HERC2: variants seen among roughly 807,000 people sequenced by gnomAD.
HERC2 encodes HECT and RLD domain containing E3 ubiquitin protein ligase 2, also known as E3 ubiquitin-protein ligase HERC2.
In HERC2, 102 loss-of-function variants were observed where a neutral mutation model predicts 537.7. The ratio of observed to expected loss-of-function variants is 0.19; its 90% confidence interval spans 0.16 to 0.22. The LOEUF is 0.22. Ranked by LOEUF, HERC2 falls within the 10% of genes least tolerant of loss-of-function variation. The probability of loss-of-function intolerance (pLI) is 1.00; values close to 1 mark genes in which losing one functional copy is unlikely to be tolerated. For missense variants in HERC2, 4,236 were observed against 6,198.2 expected (o/e 0.68, Z 10.63); for synonymous variants, 2,224 against 2,466.2 (o/e 0.90, Z 2.91).
intron 35 of HERC2, among the ~76,000 whole-genome samples, chr15:28,227,495 T>C (rs183312297): frequency 1.8e-4 from 27 of 146,262 alleles, no homozygotes; most frequent in African/African-American, 6.8e-4. Context: ...CAAAAAATAG[T>C]GTTGGCAGGG....
At chr15:28,173,299 G>C (rs1234652434) in intron 65 of HERC2, among the ~76,000 whole-genome samples, 2 of 152,050 alleles carry the variant, frequency 1.3e-5, no homozygotes, top group Non-Finnish European at 2.9e-5. Context: ...CACTTGTATA[G>C]TCAACTGGAA....
At chr15:28,300,498 G>A (rs1346134726) in intron 2 of HERC2, among the ~76,000 whole-genome samples, 2 of 151,150 alleles carry the variant, frequency 1.3e-5, no homozygotes, top group Admixed American at 6.6e-5. Flanking sequence ...AATAAAACAT[G>A]TTTATGATAA....
intron 2 of HERC2, among the ~76,000 whole-genome samples, chr15:28,321,154 G>C (rs2922711): frequency 2.6e-5 from 4 of 152,144 alleles, no homozygotes; most frequent in African/African-American, 9.7e-5. Flanking sequence ...TCGTGCACTT[G>C]CAAGAAACTA....
chr15:28,117,934 A>G (rs1347016732), intron 86 of HERC2: 2 of 244,700 alleles, frequency 8.2e-6, no homozygotes, highest in East Asian at 1.1e-4. Context: ...AAGGATGTCA[A>G]AAAGAAAAAT....
At chr15:28,117,203 GCA>G (rs1888352885) in intron 86 of HERC2, 49 bp from the exon 87 acceptor site, 2 of 1,589,904 alleles carry the variant, frequency 1.3e-6, no homozygotes, top group Non-Finnish European at 1.7e-6. Flanking sequence ...GCAGCAGGAA[GCA>G]CACAGTCGGG....
At chr15:28,116,593 CAGAT>C (rs1270660754) in intron 88 of HERC2, 68 bp downstream of exon 88, 11 of 1,356,906 alleles carry the variant, frequency 8.1e-6, no homozygotes, top group African/African-American at 2.9e-5. Flanking sequence ...ACTCCTCAAA[CAGAT>C]AGTACATTTT....
Position 28,233,174 on chromosome 15 carries a change from C to G in HERC2, c.4647G>C (p.Lys1549Asn). The change falls in exon 30 of 93, where the codon AAG becomes AAC. Residue 1549 changes from lysine (K) to asparagine (N), a missense_variant. Coordinates refer to ENST00000261609, the MANE Select transcript of HERC2 (RefSeq NM_004667.6). The stretch of plus-strand genomic sequence containing the variant: ...TCTTTTTCCTTCGTTCTCGAATTAT[C>G]TTTTGAGCTATCCTCCTCCAACGGG... The part of the protein sequence containing the change: ...SLPRWRRIAQ[K>N]IIRERRKKRV... 1 of 1,611,804 alleles carries G rather than the reference C, an allele frequency of 6.2e-7. No individual in the cohort carries two copies. The highest frequency in any genetic ancestry group is 8.5e-7 in the Non-Finnish European group (1 of 1,179,776).
At chr15:28,209,145 A>G (rs960525529) in intron 44 of HERC2, among the ~76,000 whole-genome samples, 3 of 152,150 alleles carry the variant, frequency 2.0e-5, no homozygotes, top group South Asian at 2.1e-4. Flanking sequence ...ATACATAGCA[A>G]TGTGCTTTTC....
chr15:28,237,925 C>T lies in HERC2; in HGVS notation c.3852+189G>A, dbSNP rs568776518. ...AAAAAACAATTTTTCAAGACCAGTA[C>T]ATCACAGATCTTAACATGAATAAAT... On this transcript the variant is annotated intron_variant, in intron 25 of 92. Coordinates refer to ENST00000261609, the MANE Select transcript of HERC2 (RefSeq NM_004667.6). 4.6e-5 allele frequency among the ~76,000 whole-genome samples: 7 copies of T among 152,326 alleles called. No homozygotes were observed. The East Asian group carries it at 7.7e-4, about 17-fold the overall frequency.
intron 85 of HERC2, among the ~76,000 whole-genome samples, chr15:28,121,838 T>C (rs1166159498): frequency 2.0e-5 from 3 of 152,298 alleles, no homozygotes; most frequent in East Asian, 1.9e-4. Context: ...AACCACTGCC[T>C]GCCATACAGC....
chr15:28,215,806 C>T lies in HERC2; in HGVS notation c.6029-4G>A. Reference sequence around the variant, plus strand: ...TACACCAGCCTGTTTGGAGAAGCTGCAGGAGGGAAAATAGACATGCTTGGT... The same window carrying T: ...TACACCAGCCTGTTTGGAGAAGCTGTAGGAGGGAAAATAGACATGCTTGGT... On this transcript the variant is annotated splice_polypyrimidine_tract_variant and splice_region_variant and intron_variant, in intron 38 of 92. Transcript: ENST00000261609. The T allele has an allele frequency of 2.5e-6, 4 of 1,584,034 alleles. No individual in the cohort carries two copies. Among genetic ancestry groups the T allele is most frequent in the Non-Finnish European group, 3.4e-6 (4 of 1,159,558 alleles).
intron 90 of HERC2, among the ~76,000 whole-genome samples, 173 bp downstream of exon 90, chr15:28,114,435 TAATA>T (rs1414782961): frequency 6.6e-6 from 1 of 152,136 alleles, no homozygotes. Flanking sequence ...AATGTCAGAG[TAATA>T]AATACCGACC....
At position 28,214,266 on chromosome 15, in the gene HERC2, G is replaced by C. The variant is rs762921100; in HGVS notation, c.6365C>G (p.Thr2122Arg). Residue 2122 changes from threonine to arginine, a missense_variant, in exon 41 of 93, where the codon ACG becomes AGG. Coordinates refer to ENST00000261609, the MANE Select transcript of HERC2 (RefSeq NM_004667.6). ...SSDVPLLRES[T>R]LRRRRVRPQA... ...CGGGCGCACCCTGCGCCGCCTCAGC[G>C]TGGACTCTGAGGAGGAAACCAGGGG... is the stretch of plus-strand genomic sequence containing the variant. The C allele has an allele frequency of 6.2e-7, 1 of 1,611,316 alleles. No homozygotes were observed. The highest frequency in any genetic ancestry group is 1.3e-5 in the African/African-American group (1 of 74,984).
Position 28,238,104 on chromosome 15 carries a change from A to G in HERC2, c.3852+10T>C. 6.3e-7 allele frequency: 1 copy of G among 1,590,612 alleles called. No individual in the cohort carries two copies. ...CCATCCTCTGCATCACTCAAGGCAT[A>G]CAGCCTCACCTCCAAATACTGGCCA... On this transcript the variant is annotated intron_variant, in intron 25 of 92. Coordinates refer to ENST00000261609, the MANE Select transcript of HERC2 (RefSeq NM_004667.6).
At chr15:28,148,918 A>AGG (rs1892070725) in intron 70 of HERC2, among the ~76,000 whole-genome samples, 1 of 150,886 alleles carries the variant, frequency 6.6e-6, no homozygotes, top group Admixed American at 6.6e-5. Flanking sequence ...AAAAACACAC[A>AGG]ACTCCTAACT....
chr15:28,143,499 T>C (rs1469028345), intron 74 of HERC2, among the ~76,000 whole-genome samples: 1 of 151,856 alleles, frequency 6.6e-6, no homozygotes, highest in East Asian at 1.9e-4. Flanking sequence ...CAGGCTGGAG[T>C]GTAGTGGCGG....
chr15:28,203,761 G>A (rs547185464), intron 45 of HERC2: 2 of 152,080 alleles, frequency 1.3e-5, no homozygotes, highest in East Asian at 3.9e-4. Context: ...GGAAAACCAC[G>A]AAATATGCGG....
At chr15:28,139,108 TGCTTTGCGAA>T (rs1335900830) in intron 78 of HERC2, among the ~76,000 whole-genome samples, 1 of 152,268 alleles carries the variant, frequency 6.6e-6, no homozygotes, top group Admixed American at 6.5e-5. Flanking sequence ...TTGTGTGACA[TGCTTTGCGAA>T]GACACTTGCT....
rs375892848 is a variant in HERC2, at chr15:28,321,265, A to T, written c.72+97T>A. On this transcript the variant is annotated intron_variant, in intron 2 of 92. Coordinates refer to ENST00000261609, the MANE Select transcript of HERC2 (RefSeq NM_004667.6). ...TGCTCCTCTAATTCAGCAAGATACA[A>T]CTGACTTCCCCTTACATACCCTAAA... 1,097 of 625,076 alleles carry T rather than the reference A, an allele frequency of 1.8e-3. No homozygotes were observed. The East Asian group carries it at 0.019, about 11-fold the overall frequency. 38.7% of individuals were successfully genotyped at this position (625,076 alleles called of 1,614,324 possible).
Sources: allele counts gnomAD v4.1 joint callset (sites outside exome capture counted in the v4.1 genomes callset), GRCh38; gene constraint gnomAD v4.1.1; transcripts MANE v1.5; gene names NCBI Gene and HGNC (gene_info 2026-07-23, HGNC 2026-07-21).